Variants in PAX2 observed in about 807,000 individuals in gnomAD.
The protein encoded by PAX2 is paired box 2, also known as paired box protein Pax-2.
A neutral mutation model predicts 41.7 loss-of-function variants in PAX2; 9 were observed. The observed-to-expected ratio is 0.22, with a 90% CI of 0.13 to 0.38. The LOEUF (loss-of-function observed/expected upper bound fraction) is 0.38, where lower values mean the gene tolerates loss of function less well. Ranked by LOEUF, PAX2 falls within the 10% of genes least tolerant of loss-of-function variation. The pLI, the probability that PAX2 is intolerant of heterozygous loss-of-function variation, is 1.00. For missense variants in PAX2, 418 were observed against 531.6 expected (o/e 0.79, Z 2.10); for synonymous variants, 221 against 212.7 (o/e 1.04, Z -0.34).
intron 3 of PAX2, among the ~76,000 whole-genome samples, chr10:100,759,930 A>G (rs1398321490): frequency 1.3e-5 from 2 of 152,208 alleles, no homozygotes. Context: ...GGCAGATGAT[A>G]GAAGCTGAAG....
chr10:100,792,475 T>C (rs1253804334), intron 5 of PAX2, among the ~76,000 whole-genome samples: 5 of 152,210 alleles, frequency 3.3e-5, no homozygotes, highest in African/African-American at 9.7e-5. Context: ...GAGAAGTCTA[T>C]CTCCCTTCTC....
chr10:100,824,886 C>T lies in PAX2; in HGVS notation c.1021+137C>T, dbSNP rs1848496928. The T allele has an allele frequency of 1.9e-6, 3 of 1,609,664 alleles. No homozygotes were observed. The Admixed American group carries it at 5.0e-5, about 27-fold the overall frequency. On this transcript the variant is annotated intron_variant, in intron 8 of 9. Coordinates refer to ENST00000355243, the MANE Select transcript of PAX2 (RefSeq NM_000278.5). The surrounding 1 kb of genome is among the most constrained non-coding windows in gnomAD (Gnocchi z 6.6). ...TCCCTGCAAACCACTGCTATTCTGTCCCTCTCTCTCCTTAGAGGCTGCAGT... is the reference window on the plus strand; with the variant it reads ...TCCCTGCAAACCACTGCTATTCTGTTCCTCTCTCTCCTTAGAGGCTGCAGT...
chr10:100,816,934 G>A (rs75244671), intron 7 of PAX2, among the ~76,000 whole-genome samples: 11 of 152,150 alleles, frequency 7.2e-5, no homozygotes, highest in African/African-American at 1.4e-4. Context: ...TACACAGAGC[G>A]CCTGAAAAAC....
intron 5 of PAX2, among the ~76,000 whole-genome samples, chr10:100,802,867 A>T (rs1847614311): frequency 6.6e-6 from 1 of 152,186 alleles, no homozygotes. Context: ...CTAGATTAAG[A>T]TCGGCTTCTG....
chr10:100,746,579 T>G (rs1845184977), intron 1 of PAX2, among the ~76,000 whole-genome samples: 1 of 152,176 alleles, frequency 6.6e-6, no homozygotes, highest in Non-Finnish European at 1.5e-5. Flanking sequence ...ATCCGCTCCT[T>G]CTTAGGTCAT....
At chr10:100,825,197 C>T (rs568014980) in intron 8 of PAX2, among the ~76,000 whole-genome samples, 1 of 152,278 alleles carries the variant, frequency 6.6e-6, no homozygotes, top group African/African-American at 2.4e-5. Flanking sequence ...CACCAAGACA[C>T]AAGGGAAGAC....
At chr10:100,780,248 G>A (rs879790383) in intron 4 of PAX2, among the ~76,000 whole-genome samples, 1 of 152,110 alleles carries the variant, frequency 6.6e-6, no homozygotes, top group East Asian at 1.9e-4. Flanking sequence ...CATGCTTAGG[G>A]CCTCTCAAAG....
intron 7 of PAX2, among the ~76,000 whole-genome samples, chr10:100,810,475 C>T (rs1564739734): frequency 6.6e-6 from 1 of 152,148 alleles, no homozygotes; most frequent in Non-Finnish European, 1.5e-5. Context: ...TCGGGAGTGA[C>T]GACCTTAGCT....
chr10:100,782,240 T>A (rs556097666), intron 5 of PAX2, among the ~76,000 whole-genome samples: 2 of 151,976 alleles, frequency 1.3e-5, no homozygotes, highest in South Asian at 4.2e-4. Flanking sequence ...TTTAAAGACA[T>A]CTCCCAGGAA....
intron 3 of PAX2, among the ~76,000 whole-genome samples, chr10:100,759,609 A>G (rs940158063): frequency 4.6e-5 from 7 of 152,204 alleles, no homozygotes; most frequent in Admixed American, 1.3e-4. Context: ...TGAACCACAG[A>G]TTTCTCTCTG....
At chr10:100,811,136 T>G in intron 7 of PAX2, among the ~76,000 whole-genome samples, 7 of 143,458 alleles carry the variant, frequency 4.9e-5, no homozygotes, top group African/African-American at 1.0e-4. Flanking sequence ...TGTGGAGAGG[T>G]GGGGGAGGGA....
chr10:100,756,609 G>A (rs1029608835), intron 3 of PAX2, among the ~76,000 whole-genome samples: 1 of 152,180 alleles, frequency 6.6e-6, no homozygotes, highest in East Asian at 1.9e-4. Flanking sequence ...GACCTATGAT[G>A]TTCCATAGAT....
intron 5 of PAX2, among the ~76,000 whole-genome samples, chr10:100,798,407 C>T (rs1444395300): frequency 6.6e-6 from 1 of 152,064 alleles, no homozygotes; most frequent in Non-Finnish European, 1.5e-5. Flanking sequence ...TGAGCCACTG[C>T]ACCCGGCCCA....
At chr10:100,767,762 C>A (rs999826675) in intron 3 of PAX2, among the ~76,000 whole-genome samples, 1 of 151,990 alleles carries the variant, frequency 6.6e-6, no homozygotes, top group Non-Finnish European at 1.5e-5. Context: ...GTGACTCGCA[C>A]GAGTCAGGAG....
intron 7 of PAX2, among the ~76,000 whole-genome samples, chr10:100,817,360 C>A (rs1414736457): frequency 1.3e-5 from 2 of 152,192 alleles, no homozygotes; most frequent in African/African-American, 4.8e-5. Flanking sequence ...TGATTCTCCC[C>A]AACATTCCCT....
In PAX2 at chr10:100,827,043, C is replaced by T; in HGVS notation, c.1056C>T (p.Pro352=). 1 of 1,613,680 alleles carries T rather than the reference C, an allele frequency of 6.2e-7. No homozygotes were observed. The highest frequency in any genetic ancestry group is 8.5e-7 in the Non-Finnish European group (1 of 1,179,606). ...SEFSGNPYSH[P]QYTAYNEAWR... Reference sequence around the variant, plus strand: ...TCTCCGGCAACCCGTACAGCCACCCCCAGTACACGGCCTACAACGAGGCTT... The same window carrying T: ...TCTCCGGCAACCCGTACAGCCACCCTCAGTACACGGCCTACAACGAGGCTT... Residue 352 remains proline (P), a synonymous_variant, in exon 9 of 10, where the codon CCC becomes CCT. Transcript: ENST00000355243. This position sits in a 1 kb window ranked among gnomAD's most constrained non-coding sequence, Gnocchi z 8.5.
chr10:100,784,279 A>G (rs765032051), intron 5 of PAX2, among the ~76,000 whole-genome samples: 2 of 152,256 alleles, frequency 1.3e-5, no homozygotes, highest in Non-Finnish European at 1.5e-5. Context: ...TGGGCTGCAG[A>G]CACCCAGGTG....
chr10:100,781,833 G>C (rs987826420), intron 5 of PAX2, among the ~76,000 whole-genome samples: 2 of 152,118 alleles, frequency 1.3e-5, no homozygotes, highest in Non-Finnish European at 2.9e-5. Context: ...ACCTCACAGG[G>C]AGCTGGACAT....
chr10:100,771,385 C>CA (rs1210476308), intron 3 of PAX2, among the ~76,000 whole-genome samples: 15 of 152,016 alleles, frequency 9.9e-5, no homozygotes, highest in Admixed American at 9.8e-4. Context: ...TGAGCATGGG[C>CA]AAAAAAACCT....
Sources: allele counts gnomAD v4.1 joint callset (sites outside exome capture counted in the v4.1 genomes callset), GRCh38; gene constraint gnomAD v4.1.1; non-coding constraint Gnocchi (gnomAD v3.1); transcripts MANE v1.5; gene names NCBI Gene and HGNC (gene_info 2026-07-23, HGNC 2026-07-21).